Variants in CACNA2D1 observed in about 807,000 individuals in gnomAD.
CACNA2D1 encodes the protein calcium voltage-gated channel auxiliary subunit alpha2delta 1, also known as voltage-dependent calcium channel subunit alpha-2/delta-1.
In CACNA2D1, 53 loss-of-function variants were observed where a neutral mutation model predicts 171.5. That is an observed-to-expected ratio of 0.31 (90% CI 0.25 to 0.39). CACNA2D1 has a LOEUF of 0.39. Among genes scored for constraint, CACNA2D1 ranks in the 10% least tolerant of loss-of-function variants. CACNA2D1 has a pLI of 1.00. For synonymous variants in CACNA2D1, 442 were observed against 443.1 expected, an observed-to-expected ratio of 1.00 and a Z score of 0.03; for missense variants, 903 against 1,299.8, an observed-to-expected ratio of 0.69 and a Z score of 4.69.
chr7:82,207,551 C>A (rs2129217962), intron 3 of CACNA2D1, among the ~76,000 whole-genome samples: 1 of 151,944 alleles, frequency 6.6e-6, no homozygotes, highest in South Asian at 2.1e-4. Flanking sequence ...GTATGCATTA[C>A]TGTTTAATTT....
chr7:82,166,567 C>T (rs1376705658), intron 4 of CACNA2D1, among the ~76,000 whole-genome samples: 1 of 151,994 alleles, frequency 6.6e-6, no homozygotes, highest in Admixed American at 6.6e-5. Context: ...ATTTGAAATG[C>T]AATTGGAAAA....
At position 82,084,871 on chromosome 7, in the gene CACNA2D1, T is replaced by A. The variant is rs962894633; in HGVS notation, c.556A>T (p.Thr186Ser). The A allele has an allele frequency of 9.9e-6, 16 of 1,613,590 alleles. No individual in the cohort carries two copies. The highest frequency in any genetic ancestry group is 1.4e-5 in the Non-Finnish European group (16 of 1,179,622). The change falls in exon 7 of 39, where the codon ACA (threonine) becomes TCA (serine). Residue 186 changes from threonine (T) to serine (S), a missense_variant. By Grantham distance (58) the Thr-to-Ser change is moderately conservative (BLOSUM62 1). Coordinates refer to ENST00000356860, the MANE Select transcript of CACNA2D1 (RefSeq NM_000722.4). ...STIVLNELNW[T>S]SALDEVFKKN... is the part of the protein sequence containing the mutation. ...TTGAAAACTTCATCTAAGGCACTTG[T>A]CCAGTTGAGTTCATTTAACACAATT...
At chr7:82,403,739 G>A (rs1052401724) in intron 1 of CACNA2D1, among the ~76,000 whole-genome samples, 3 of 152,178 alleles carry the variant, frequency 2.0e-5, no homozygotes, top group African/African-American at 7.2e-5. Flanking sequence ...CATCATGGGG[G>A]AAGACCGGAA....
intron 34 of CACNA2D1, among the ~76,000 whole-genome samples, chr7:81,963,615 C>G (rs992884263): frequency 6.6e-6 from 1 of 151,886 alleles, no homozygotes; most frequent in African/African-American, 2.4e-5. Flanking sequence ...CAATACTAGT[C>G]CTTGTATCAA....
At chr7:82,422,139 G>T (rs532406681) in intron 1 of CACNA2D1, among the ~76,000 whole-genome samples, 2 of 152,114 alleles carry the variant, frequency 1.3e-5, no homozygotes, top group African/African-American at 4.8e-5. Context: ...CATGTTTAAG[G>T]GTCATCTTGC....
intron 3 of CACNA2D1, among the ~76,000 whole-genome samples, chr7:82,235,974 C>A (rs1803541996): frequency 6.6e-6 from 1 of 152,058 alleles, no homozygotes; most frequent in Non-Finnish European, 1.5e-5. Context: ...ATGCGGATGA[C>A]TATGTGCCCA....
At chr7:82,431,808 G>A (rs1350025256) in intron 1 of CACNA2D1, among the ~76,000 whole-genome samples, 1 of 152,020 alleles carries the variant, frequency 6.6e-6, no homozygotes, top group Admixed American at 6.6e-5. Context: ...GGAGGTTGAG[G>A]TGGGTGGATT....
chr7:82,273,148 T>C (rs1417279161), intron 3 of CACNA2D1, among the ~76,000 whole-genome samples: 1 of 152,020 alleles, frequency 6.6e-6, no homozygotes, highest in Non-Finnish European at 1.5e-5. Flanking sequence ...AAAAATAATA[T>C]CCAATATTGA....
intron 3 of CACNA2D1, among the ~76,000 whole-genome samples, chr7:82,332,860 G>A (rs181642254): frequency 8.5e-5 from 13 of 152,230 alleles, no homozygotes; most frequent in Admixed American, 7.9e-4. Flanking sequence ...ATAGCCAAGT[G>A]TGGTGGTACA....
At chr7:82,396,464 T>G (rs987681191) in intron 1 of CACNA2D1, among the ~76,000 whole-genome samples, 1 of 152,252 alleles carries the variant, frequency 6.6e-6, no homozygotes, top group Non-Finnish European at 1.5e-5. Context: ...AATATTTGGA[T>G]AGTCTTAAAT....
intron 3 of CACNA2D1, among the ~76,000 whole-genome samples, chr7:82,301,043 T>G (rs1812934927): frequency 6.6e-6 from 1 of 152,220 alleles, no homozygotes; most frequent in Non-Finnish European, 1.5e-5. Context: ...ATATTACAGT[T>G]TCATTGAATT....
At chr7:82,115,065 T>C (rs1038102530) in intron 6 of CACNA2D1, among the ~76,000 whole-genome samples, 1 of 152,202 alleles carries the variant, frequency 6.6e-6, no homozygotes, top group Admixed American at 6.5e-5. Context: ...AACATTCAAG[T>C]TGGCTTCAGT....
At chr7:82,400,022 C>T (rs866974719) in intron 1 of CACNA2D1, among the ~76,000 whole-genome samples, 46 of 151,778 alleles carry the variant, frequency 3.0e-4, no homozygotes, top group Middle Eastern at 3.4e-3. Flanking sequence ...AGATATGCGG[C>T]GTTATTTCTG....
intron 10 of CACNA2D1, among the ~76,000 whole-genome samples, chr7:82,044,224 A>AG (rs1475702497): frequency 6.6e-6 from 1 of 152,158 alleles, no homozygotes; most frequent in Non-Finnish European, 1.5e-5. Flanking sequence ...CCCCTCAGAA[A>AG]GACCGTTCTC....
intron 3 of CACNA2D1, among the ~76,000 whole-genome samples, chr7:82,198,124 T>C (rs1294321818): frequency 1.3e-5 from 2 of 152,094 alleles, no homozygotes; most frequent in African/African-American, 2.4e-5. Context: ...TAAATAGATG[T>C]TATTTGCTGT....
intron 7 of CACNA2D1, among the ~76,000 whole-genome samples, chr7:82,077,929 A>G (rs1809203617): frequency 6.6e-6 from 1 of 152,142 alleles, no homozygotes; most frequent in Admixed American, 6.5e-5. Context: ...GGACTACCTT[A>G]TCATCTGCTA....
At chr7:82,060,570 A>G in intron 9 of CACNA2D1, 43 bp from the exon 10 acceptor site, 1 of 1,137,266 alleles carries the variant, frequency 8.8e-7, no homozygotes, top group East Asian at 2.4e-5. Context: ...CTCATCATGT[A>G]TTTAATCAAG....
chr7:82,118,990 C>T (rs1164380335), intron 5 of CACNA2D1, among the ~76,000 whole-genome samples: 1 of 151,974 alleles, frequency 6.6e-6, no homozygotes, highest in African/African-American at 2.4e-5. Flanking sequence ...TACTCCATGT[C>T]TTTACTTATC....
At chr7:82,176,725 G>C (rs549803396) in intron 3 of CACNA2D1, among the ~76,000 whole-genome samples, 1 of 151,614 alleles carries the variant, frequency 6.6e-6, no homozygotes, top group African/African-American at 2.4e-5. Context: ...TAGTGTGTTT[G>C]CTTCTATTCA....
Sources: allele counts gnomAD v4.1 joint callset (sites outside exome capture counted in the v4.1 genomes callset), GRCh38; gene constraint gnomAD v4.1.1; transcripts MANE v1.5; gene names NCBI Gene and HGNC (gene_info 2026-07-23, HGNC 2026-07-21).